The following CRY2 variants were observed in gnomAD, a reference collection of about 807,000 sequenced individuals.
CRY2 encodes cryptochrome circadian regulator 2, also known as cryptochrome-2.
A neutral mutation model predicts 69.5 loss-of-function variants in CRY2; 31 were observed. The ratio of observed to expected loss-of-function variants is 0.45; its 90% CI spans 0.34 to 0.60. CRY2 has a LOEUF of 0.60. Ranked by LOEUF, CRY2 falls within the 20% of genes least tolerant of loss-of-function variation. CRY2 has a pLI of 0.02. For missense variants in CRY2, 606 were observed against 797.8 expected (o/e 0.76, Z 2.90); for synonymous variants, 303 against 312.2 (o/e 0.97, Z 0.31).
At chr11:45,854,024 C>T (rs1015272674) in intron 1 of CRY2, among the ~76,000 whole-genome samples, 7 of 152,184 alleles carry the variant, frequency 4.6e-5, no homozygotes, top group Admixed American at 2.0e-4. Context: ...TGGCATTGGC[C>T]GTAGGAGTGT....
At chr11:45,877,138 T>G (rs1307838401) in intron 11 of CRY2, among the ~76,000 whole-genome samples, 4 of 152,234 alleles carry the variant, frequency 2.6e-5, no homozygotes, top group Admixed American at 1.3e-4. Context: ...ATGATCTGCA[T>G]GCTGTGGGAA....
At chr11:45,847,394 T>C (rs778795478), upstream of CRY2, 5 of 1,594,750 alleles carry the variant, frequency 3.1e-6, no homozygotes, top group East Asian at 4.5e-5. Flanking sequence ...GGACTAAGGG[T>C]GGAGTTGCGG....
At position 45,881,818 on chromosome 11, in the gene CRY2, C is replaced by A. The variant is rs981493369; in HGVS notation, c.*907C>A. Reference sequence around the variant, plus strand: ...ACCAGGTTGCAGTGGCGTAAGGCCCCCTGGTTTCTCTGGCCACACTCCAAG... The same window carrying A: ...ACCAGGTTGCAGTGGCGTAAGGCCCACTGGTTTCTCTGGCCACACTCCAAG... On this transcript the variant is annotated 3_prime_UTR_variant, in exon 12 of 12. Transcript: ENST00000616080. 1.3e-5 allele frequency: 2 copies of A among 152,242 alleles called. No homozygotes were observed. The highest frequency in any genetic ancestry group is 2.9e-5 in the Non-Finnish European group (2 of 68,072). 9.4% of individuals were successfully genotyped at this position (152,242 alleles called of 1,614,324 possible).
upstream of CRY2, chr11:45,847,345 T>C: frequency 6.3e-7 from 1 of 1,597,208 alleles, no homozygotes; most frequent in Non-Finnish European, 8.5e-7. Context: ...TGGAAGGCAC[T>C]CAGCCAATGG....
At chr11:45,860,688 G>A (rs765658130) in intron 3 of CRY2, among the ~76,000 whole-genome samples, 160 bp from the exon 4 acceptor site, 7 of 152,144 alleles carry the variant, frequency 4.6e-5, no homozygotes, top group Non-Finnish European at 7.3e-5. Context: ...ATGGAGATGC[G>A]GCCTCCCTTG....
rs78190397 is a variant in CRY2, at chr11:45,853,861, A to G, written c.216-2121A>G. Among the ~76,000 whole-genome samples the G allele has an allele frequency of 7.8e-3, 1,183 of 152,368 alleles. 22 individuals carry two copies. Among genetic ancestry groups the G allele is most frequent in the African/African-American group, 0.026 (1,082 of 41,582 alleles). ...AGGTGACAATTTTTCAAAAACAGAA[A>G]TTCACAGAGGTGGAGCTTTTGGTTT... On this transcript the variant is annotated intron_variant, in intron 1 of 11. Transcript: ENST00000616080.
chr11:45,871,607 C>T (rs1352758009), intron 10 of CRY2, among the ~76,000 whole-genome samples: 1 of 152,210 alleles, frequency 6.6e-6, no homozygotes, highest in Non-Finnish European at 1.5e-5. Context: ...AGGAGAAAGA[C>T]TGGACAGATT....
At chr11:45,852,114 C>G (rs986813082) in intron 1 of CRY2, among the ~76,000 whole-genome samples, 1 of 152,200 alleles carries the variant, frequency 6.6e-6, no homozygotes, top group Non-Finnish European at 1.5e-5. Flanking sequence ...TTCTCCAGTT[C>G]TGCCTGCCTC....
chr11:45,849,524 G>A (rs2086178183), intron 1 of CRY2, among the ~76,000 whole-genome samples: 1 of 152,156 alleles, frequency 6.6e-6, no homozygotes, highest in South Asian at 2.1e-4. Flanking sequence ...CATAAGATAA[G>A]GGGACAGACT....
intron 1 of CRY2, among the ~76,000 whole-genome samples, chr11:45,853,290 A>G (rs1449698398): frequency 1.3e-5 from 2 of 152,190 alleles, no homozygotes; most frequent in African/African-American, 2.4e-5. Context: ...TTAAATGTTA[A>G]TCATTGCCAT....
At position 45,869,718 on chromosome 11, in the gene CRY2, A is replaced by G; in HGVS notation, c.1095A>G (p.Gln365=). 6.2e-7 allele frequency: 1 copy of G among 1,614,168 alleles called. No individual in the cohort carries two copies. The highest frequency in any genetic ancestry group is 1.3e-5 in the African/African-American group (1 of 75,052). Residue 365 remains glutamine, a synonymous_variant, in exon 7 of 12, where the codon CAA becomes CAG. Transcript: ENST00000616080. ...GFPWIDAIMT[Q]LRQEGWIHHL... is the part of the protein sequence containing the mutation. ...CTTGGATTGATGCCATCATGACCCA[A>G]CTGAGGCAGGAGGGCTGGATCCACC...
At chr11:45,861,173 C>A in intron 4 of CRY2, 141 bp downstream of exon 4, 2 of 868,168 alleles carry the variant, frequency 2.3e-6, no homozygotes, top group Non-Finnish European at 3.5e-6. Context: ...ACTATTACTC[C>A]ACCACCCAGA....
chr11:45,874,887 G>A (rs950263141), intron 11 of CRY2, among the ~76,000 whole-genome samples: 1 of 152,174 alleles, frequency 6.6e-6, no homozygotes, highest in African/African-American at 2.4e-5. Context: ...AGGTTGCAGT[G>A]AGCCAAGATC....
rs188542192 is a variant in CRY2, at chr11:45,856,256, G to C, written c.324+166G>C. 33 of 610,448 alleles carry C rather than the reference G, an allele frequency of 5.4e-5. No individual in the cohort carries two copies. In the Admixed American group the frequency reaches 8.8e-4, roughly 16 times the overall value. The allele number at this position is 610,448 out of a possible 1,614,324, so 37.8% of individuals were successfully genotyped here. A position where few individuals can be genotyped will look rare whatever the true frequency, so the allele number is the denominator to read the frequency against. Reference sequence around the variant, plus strand: ...AAAGGCAGCCAGTTAGCTTGCTCTTGGAATGGAAACTGTGTTAAGGAAAAA... The same window carrying C: ...AAAGGCAGCCAGTTAGCTTGCTCTTCGAATGGAAACTGTGTTAAGGAAAAA... On this transcript the variant is annotated intron_variant, in intron 2 of 11. Coordinates refer to ENST00000616080, the MANE Select transcript of CRY2 (RefSeq NM_021117.5).
chr11:45,878,565 T>A (rs992591604), intron 11 of CRY2, among the ~76,000 whole-genome samples: 5 of 152,090 alleles, frequency 3.3e-5, no homozygotes, highest in Admixed American at 1.3e-4. Flanking sequence ...AGCAAAAAAA[T>A]GGCTAGGTTA....
chr11:45,862,078 T>G lies in CRY2; in HGVS notation c.671T>G (p.Leu224Arg). 6.2e-7 allele frequency: 1 copy of G among 1,613,896 alleles called. No homozygotes were observed. The highest frequency in any genetic ancestry group is 1.1e-5 in the South Asian group (1 of 91,000). The change falls in exon 5 of 12, where the codon CTT becomes CGT. Residue 224 changes from leucine to arginine, a missense_variant. This residue lies in a region of CRY2 where 382 missense variants were observed against 508.9 expected (regional missense o/e 0.75). Transcript: ENST00000616080. ...LEELGFPTEG[L>R]GPAVWQGGET... is the part of the protein sequence containing the mutation. Reference sequence around the variant, plus strand: ...TCTTCAGGGTTCCCCACTGAAGGACTTGGTCCAGCTGTCTGGCAGGGAGGA... The same window carrying G: ...TCTTCAGGGTTCCCCACTGAAGGACGTGGTCCAGCTGTCTGGCAGGGAGGA...
intron 3 of CRY2, among the ~76,000 whole-genome samples, chr11:45,860,391 A>AG (rs1317810286): frequency 6.6e-6 from 1 of 151,626 alleles, no homozygotes; most frequent in Non-Finnish European, 1.5e-5. Flanking sequence ...AGAGTTAAAA[A>AG]AAAAAAAAAA....
intron 4 of CRY2, 146 bp from the exon 5 acceptor site, chr11:45,861,914 C>T (rs773702709): frequency 1.5e-5 from 10 of 681,486 alleles, no homozygotes; most frequent in African/African-American, 5.6e-5. Context: ...ACCTAGAAAA[C>T]GCTAAAACTT....
At chr11:45,872,058 A>G in intron 10 of CRY2, 34 bp from the exon 11 acceptor site, 1 of 1,611,128 alleles carries the variant, frequency 6.2e-7, no homozygotes. Flanking sequence ...CTGCATGCAC[A>G]GTCTGTGTGA....
Sources: allele counts gnomAD v4.1 joint callset (sites outside exome capture counted in the v4.1 genomes callset), GRCh38; gene constraint gnomAD v4.1.1; regional missense constraint gnomAD v4.1.1; transcripts MANE v1.5; gene names NCBI Gene and HGNC (gene_info 2026-07-23, HGNC 2026-07-21).